TAOK2: variants seen among roughly 807,000 people sequenced by gnomAD.
TAOK2 encodes TAO kinase 2.
TAOK2 carries 42 observed loss-of-function variants against 122.5 expected under a neutral mutation model. The observed-to-expected ratio is 0.34, with a 90% confidence interval of 0.27 to 0.44. The LOEUF (loss-of-function observed/expected upper bound fraction) is 0.44, where lower values mean the gene tolerates loss of function less well. Among genes scored for constraint, TAOK2 ranks in the 20% least tolerant of loss-of-function variants. TAOK2 has a pLI of 1.00. For missense variants in TAOK2, 1,264 were observed against 1,644.9 expected (o/e 0.77, Z 4.01); for synonymous variants, 704 against 677.6 (o/e 1.04, Z -0.61).
At chr16:29,991,553 C>T (rs1317570768), downstream of TAOK2, 8 of 1,479,666 alleles carry the variant, frequency 5.4e-6, no homozygotes, top group Non-Finnish European at 7.2e-6. The surrounding 1 kb of genome is among the most constrained non-coding windows in gnomAD (Gnocchi z 5.6). Flanking sequence ...ATGGTTCTTC[C>T]CACTTCTATT....
chr16:29,980,885 A>G (rs962083574), intron 8 of TAOK2: 1 of 152,216 alleles, frequency 6.6e-6, no homozygotes, highest in African/African-American at 2.4e-5. Context: ...CAAACTGGAG[A>G]TTGCTGTTTC....
In TAOK2 at chr16:29,983,063, T is replaced by C; in HGVS notation, c.1000-9T>C. ...CTTCCCTGTCCAGCAGCCTACGCCC[T>C]GTTCGCAGGAGGCCGAGCCCTACAT... On this transcript the variant is annotated splice_polypyrimidine_tract_variant and intron_variant, in intron 11 of 15. Coordinates refer to ENST00000308893, the MANE Select transcript of TAOK2 (RefSeq NM_016151.4). 1 of 1,613,742 alleles carries C rather than the reference T, an allele frequency of 6.2e-7. No individual in the cohort carries two copies. Among genetic ancestry groups the C allele is most frequent in the Non-Finnish European group, 8.5e-7 (1 of 1,179,954 alleles).
At chr16:29,989,451 TCTCC>T, downstream of TAOK2, 9 of 1,477,068 alleles carry the variant, frequency 6.1e-6, no homozygotes, top group Non-Finnish European at 8.1e-6. Flanking sequence ...TTTCTCTCCC[TCTCC>T]CTGTCTCTGC....
intron 4 of TAOK2, 116 bp from the exon 5 acceptor site, chr16:29,978,683 C>G (rs967200326): frequency 8.3e-7 from 1 of 1,202,722 alleles, no homozygotes; most frequent in East Asian, 2.3e-5. Context: ...TCTCCAGTTG[C>G]GCTTCCTCCC....
chr16:29,991,389 C>T, downstream of TAOK2: 1 of 1,571,320 alleles, frequency 6.4e-7, no homozygotes, highest in Non-Finnish European at 8.6e-7. This position sits in a 1 kb window ranked among gnomAD's most constrained non-coding sequence, Gnocchi z 5.6. Flanking sequence ...AAGTGGGACA[C>T]CCCGTGGCGG....
downstream of TAOK2, chr16:29,991,160 C>T (rs532051257): frequency 6.2e-7 from 1 of 1,611,252 alleles, no homozygotes; most frequent in South Asian, 1.1e-5. This position sits in a 1 kb window ranked among gnomAD's most constrained non-coding sequence, Gnocchi z 5.6. Flanking sequence ...TGAGGCTGGG[C>T]TTCTCCAGCA....
At chr16:29,991,449 T>C, downstream of TAOK2, 2 of 1,507,972 alleles carry the variant, frequency 1.3e-6, no homozygotes, top group Non-Finnish European at 1.8e-6. The surrounding 1 kb of genome is among the most constrained non-coding windows in gnomAD (Gnocchi z 5.6). Flanking sequence ...GCGGGCAGCC[T>C]CGGGGGGCAG....
chr16:29,983,414 C>T (rs1255289574), intron 12 of TAOK2, 82 bp downstream of exon 12: 2 of 1,562,264 alleles, frequency 1.3e-6, no homozygotes, highest in South Asian at 1.2e-5. Context: ...AAGTGCAGCA[C>T]TCCTCTGAGT....
rs771852620 is a variant in TAOK2, at chr16:29,979,534, A to C, written c.655+26A>C. Reference sequence around the variant, plus strand: ...GTAAGAACATCCTCCCTGTTCCCTCATCATCTTTTCCATTCTTTCCTGTTA... The same window carrying C: ...GTAAGAACATCCTCCCTGTTCCCTCCTCATCTTTTCCATTCTTTCCTGTTA... On this transcript the variant is annotated intron_variant, in intron 8 of 15. Transcript: ENST00000308893. The surrounding 1 kb of genome is among the most constrained non-coding windows in gnomAD (Gnocchi z 4.1). The C allele has an allele frequency of 6.1e-5, 90 of 1,479,614 alleles. No homozygotes were observed. The highest frequency in any genetic ancestry group is 7.9e-5 in the Non-Finnish European group (88 of 1,109,086). 91.7% of individuals were successfully genotyped at this position (1,479,614 alleles called of 1,614,324 possible).
At chr16:29,989,933 C>T (rs560722138), downstream of TAOK2, 2 of 805,432 alleles carry the variant, frequency 2.5e-6, no homozygotes, top group Admixed American at 5.2e-5. Context: ...CATACTCTCC[C>T]TCTGTTCGTG....
rs1323184407 is a variant in TAOK2 at position 29,985,158 on chromosome 16, T to C, written c.1423-55T>C. The C allele has an allele frequency of 2.1e-6, 3 of 1,457,872 alleles. No homozygotes were observed. In the African/African-American group the frequency reaches 4.3e-5, roughly 21 times the overall value. The allele number at this position is 1,457,872 out of a possible 1,614,324, so 90.3% of individuals were successfully genotyped here. Reference sequence around the variant, plus strand: ...TCTTCCCCACGGAAGACCCCTTGTGTTAATTAACTAGGGGCCAGGCTGAGC... The same window carrying C: ...TCTTCCCCACGGAAGACCCCTTGTGCTAATTAACTAGGGGCCAGGCTGAGC... On this transcript the variant is annotated intron_variant, in intron 13 of 15. Transcript: ENST00000308893. This position sits in a 1 kb window ranked among gnomAD's most constrained non-coding sequence, Gnocchi z 6.9.
Position 29,986,882 on chromosome 16 carries a change from G to C in TAOK2, c.2610G>C (p.Trp870Cys). 1 of 1,614,072 alleles carries C rather than the reference G, an allele frequency of 6.2e-7. No individual in the cohort carries two copies. Among genetic ancestry groups the C allele is most frequent in the Admixed American group, 1.7e-5 (1 of 60,026 alleles). Residue 870 changes from tryptophan to cysteine, a missense_variant, in exon 16 of 16, where the codon TGG becomes TGC. This residue lies in a region of TAOK2 where 824 missense variants were observed against 908.7 expected (regional missense o/e 0.91). Transcript: ENST00000308893. This position sits in a 1 kb window ranked among gnomAD's most constrained non-coding sequence, Gnocchi z 4.2. Reference sequence around the variant, plus strand: ...TTGGCCAGGAGGAGGCTGGGACATGGAGCTTGTGGGGGAAGGAGGATGAGA... The same window carrying C: ...TTGGCCAGGAGGAGGCTGGGACATGCAGCTTGTGGGGGAAGGAGGATGAGA... ...SIVGQEEAGT[W>C]SLWGKEDESL... is the part of the protein sequence containing the mutation.
downstream of TAOK2, chr16:29,989,967 A>T: frequency 1.5e-6 from 1 of 669,468 alleles, no homozygotes; most frequent in South Asian, 2.0e-5. Context: ...TTTATTTCAT[A>T]TTCTCCTCAG....
Position 29,987,542 on chromosome 16 carries a change from G to A in TAOK2, c.3270G>A (p.Leu1090=). 1 of 1,612,292 alleles carries A rather than the reference G, an allele frequency of 6.2e-7. No individual in the cohort carries two copies. The highest frequency in any genetic ancestry group is 8.5e-7 in the Non-Finnish European group (1 of 1,178,884). Residue 1090 remains leucine (L), a synonymous_variant, in exon 16 of 16, where the codon CTG becomes CTA. Transcript: ENST00000308893. ...CTCGACTCTGGTTGCGGGTTCTGCT[G>A]CGCCTGTCACCCATGGCCTTCCGGG... ...GISRLWLRVL[L]RLSPMAFRAL...
rs200702514 is a variant in TAOK2, at chr16:29,987,085, G to A, written c.2813G>A (p.Cys938Tyr). The A allele has an allele frequency of 1.1e-5, 17 of 1,613,274 alleles. No homozygotes were observed. The highest frequency in any genetic ancestry group is 1.4e-5 in the Non-Finnish European group (17 of 1,179,476). ...PEPPPTHLRP[C>Y]PASQLPGLLS... ...CCCCCTCCAACACACCTGAGGCCCT[G>A]CCCTGCCAGCCAGCTCCCTGGACTC... The change falls in exon 16 of 16, where the codon TGC (cysteine) becomes TAC (tyrosine). Residue 938 changes from cysteine (C) to tyrosine (Y), a missense_variant. Physicochemically the swap from Cys to Tyr is radical, Grantham distance 194. This residue lies in a region of TAOK2 where 824 missense variants were observed against 908.7 expected (regional missense o/e 0.91). Coordinates refer to ENST00000308893, the MANE Select transcript of TAOK2 (RefSeq NM_016151.4).
At chr16:29,974,907 G>C (rs746710654) in intron 1 of TAOK2, among the ~76,000 whole-genome samples, 1 of 152,240 alleles carries the variant, frequency 6.6e-6, no homozygotes, top group South Asian at 2.1e-4. Flanking sequence ...GGGTGCTTCA[G>C]CTAATCAGAT....
Position 29,983,619 on chromosome 16 carries a change from C to T in TAOK2, c.1377C>T (p.Tyr459=). Residue 459 remains tyrosine (Y), a synonymous_variant, in exon 13 of 16, where the codon TAC becomes TAT. Transcript: ENST00000308893. ...STTSSARRRA[Y]CRNRDHFATI... ...CCTCTTCCGCCCGCCGCCGGGCCTA[C>T]TGCCGTAACCGAGACCACTTTGCCA... is the stretch of plus-strand genomic sequence containing the variant. 5 of 1,613,646 alleles carry T rather than the reference C, an allele frequency of 3.1e-6. No homozygotes were observed. Among genetic ancestry groups the T allele is most frequent in the Non-Finnish European group, 4.2e-6 (5 of 1,180,020 alleles).
chr16:29,979,467 A>G lies in TAOK2; in HGVS notation c.614A>G (p.Lys205Arg). The G allele has an allele frequency of 6.4e-7, 1 of 1,572,100 alleles. No individual in the cohort carries two copies. ...ATGGATGAGGGGCAGTACGATGGCA[A>G]AGTGGACGTCTGGTCCTTGGGGATA... ...LAMDEGQYDG[K>R]VDVWSLGITC... Residue 205 changes from lysine (K) to arginine (R), a missense_variant, in exon 8 of 16, where the codon AAA becomes AGA. Coordinates refer to ENST00000308893, the MANE Select transcript of TAOK2 (RefSeq NM_016151.4). This position sits in a 1 kb window ranked among gnomAD's most constrained non-coding sequence, Gnocchi z 4.1.
chr16:29,991,854 A>G (rs893044110), downstream of TAOK2: 4 of 341,660 alleles, frequency 1.2e-5, no homozygotes, highest in African/African-American at 8.5e-5. This position sits in a 1 kb window ranked among gnomAD's most constrained non-coding sequence, Gnocchi z 5.6. Flanking sequence ...TCAAATATTC[A>G]TCTAGTCCCC....
Sources: gnomAD v4.1 joint callset for allele counts (sites outside exome capture counted in the v4.1 genomes callset) on GRCh38, gnomAD v4.1.1 for gene constraint, gnomAD v4.1.1 regional missense constraint, Gnocchi (gnomAD v3.1) non-coding constraint, MANE v1.5 for transcripts, NCBI Gene and HGNC (gene_info 2026-07-23, HGNC 2026-07-21) for gene names.